FNDC3A: variants seen among roughly 807,000 people sequenced by gnomAD.
FNDC3A encodes fibronectin type III domain containing 3A, also known as fibronectin type-III domain-containing protein 3A.
In FNDC3A, 32 loss-of-function variants were observed where a neutral mutation model predicts 148.9. The observed-to-expected ratio is 0.21, with a 90% CI of 0.16 to 0.29. The LOEUF (loss-of-function observed/expected upper bound fraction) is 0.29, where lower values mean the gene tolerates loss of function less well. Ranked by LOEUF, FNDC3A falls within the 10% of genes least tolerant of loss-of-function variation. FNDC3A has a pLI of 1.00. For missense variants in FNDC3A, 1,191 were observed against 1,452.8 expected (o/e 0.82, Z 2.93); for synonymous variants, 472 against 473.6 (o/e 1.00, Z 0.04).
chr13:49,134,062 A>G (rs1349431835), intron 5 of FNDC3A, among the ~76,000 whole-genome samples: 2 of 152,228 alleles, frequency 1.3e-5, no homozygotes, highest in Admixed American at 1.3e-4. Flanking sequence ...ATTGTGCAAC[A>G]TATGCAACTC....
intron 3 of FNDC3A, among the ~76,000 whole-genome samples, chr13:49,077,142 C>T (rs556578015): frequency 2.0e-5 from 3 of 152,226 alleles, no homozygotes; most frequent in East Asian, 1.9e-4. Flanking sequence ...GGCATAGTGG[C>T]GCACGCCTGC....
chr13:49,162,142 G>T (rs1469071532), intron 8 of FNDC3A, among the ~76,000 whole-genome samples: 1 of 152,112 alleles, frequency 6.6e-6, no homozygotes, highest in Non-Finnish European at 1.5e-5. Flanking sequence ...TCGTAAATTT[G>T]AATGTTGGCC....
chr13:49,039,905 G>A (rs1330708260), intron 2 of FNDC3A, among the ~76,000 whole-genome samples: 1 of 152,150 alleles, frequency 6.6e-6, no homozygotes, highest in Non-Finnish European at 1.5e-5. Flanking sequence ...GTAAAGACTA[G>A]GTTTCATCAT....
chr13:49,027,181 A>G (rs904999917), intron 2 of FNDC3A, among the ~76,000 whole-genome samples: 2 of 152,234 alleles, frequency 1.3e-5, no homozygotes, highest in African/African-American at 2.4e-5. Flanking sequence ...ACTAGACTCA[A>G]TATCTTCTGA....
intron 3 of FNDC3A, among the ~76,000 whole-genome samples, chr13:49,107,346 T>C (rs1165655565): frequency 6.6e-6 from 1 of 152,174 alleles, no homozygotes; most frequent in African/African-American, 2.4e-5. Context: ...AGCTGGATGG[T>C]ATGATGGGGC....
At chr13:48,978,322 A>C (rs887681279) in intron 1 of FNDC3A, among the ~76,000 whole-genome samples, 1 of 152,218 alleles carries the variant, frequency 6.6e-6, no homozygotes, top group Non-Finnish European at 1.5e-5. Flanking sequence ...GAGGGAATGC[A>C]TGATTCATAT....
chr13:48,986,305 A>G lies in FNDC3A; in HGVS notation c.-40+10128A>G, dbSNP rs145795363. On this transcript the variant is annotated intron_variant, in intron 1 of 25. Coordinates refer to ENST00000492622, the MANE Select transcript of FNDC3A (RefSeq NM_001079673.2). Reference sequence around the variant, plus strand: ...TCCTCCCCTTTAATATTAAAACCTAATATTTCAAGACAGTTAATGATAGAG... The same window carrying G: ...TCCTCCCCTTTAATATTAAAACCTAGTATTTCAAGACAGTTAATGATAGAG... 7.9e-3 allele frequency among the ~76,000 whole-genome samples: 1,157 copies of G among 146,668 alleles called. 20 individuals carry two copies. Among genetic ancestry groups the G allele is most frequent in the African/African-American group, 0.028 (1,098 of 39,906 alleles).
chr13:49,002,837 A>G (rs2137591148), intron 1 of FNDC3A, among the ~76,000 whole-genome samples: 1 of 152,328 alleles, frequency 6.6e-6, no homozygotes, highest in East Asian at 1.9e-4. Flanking sequence ...TTTATTTACA[A>G]AGGACATTTA....
At chr13:49,099,592 A>G (rs2137834937) in intron 3 of FNDC3A, among the ~76,000 whole-genome samples, 2 of 152,248 alleles carry the variant, frequency 1.3e-5, no homozygotes, top group Middle Eastern at 3.4e-3. Context: ...TTTATCACTT[A>G]TTGTATTGTG....
chr13:49,115,874 T>C (rs561222415), intron 4 of FNDC3A, among the ~76,000 whole-genome samples: 14 of 152,216 alleles, frequency 9.2e-5, no homozygotes, highest in Non-Finnish European at 1.5e-4. Flanking sequence ...TGGTCCTCTT[T>C]GACCTCTAAA....
At chr13:49,071,729 T>C (rs1418004608) in intron 2 of FNDC3A, among the ~76,000 whole-genome samples, 1 of 151,126 alleles carries the variant, frequency 6.6e-6, no homozygotes. Flanking sequence ...ATTATTTGGT[T>C]TTTTTTTTTT....
chr13:49,185,284 T>G (rs771992425), intron 14 of FNDC3A, among the ~76,000 whole-genome samples: 1 of 152,168 alleles, frequency 6.6e-6, no homozygotes, highest in African/African-American at 2.4e-5. Flanking sequence ...AACAAACTTA[T>G]AGTTTCTGTG....
At chr13:49,016,760 C>T (rs1416699523) in intron 2 of FNDC3A, among the ~76,000 whole-genome samples, 2 of 152,072 alleles carry the variant, frequency 1.3e-5, no homozygotes. Flanking sequence ...TTTCCCTCTA[C>T]ACACTGCTTT....
chr13:49,010,215 A>G (rs1221134045), intron 2 of FNDC3A, among the ~76,000 whole-genome samples: 3 of 152,184 alleles, frequency 2.0e-5, no homozygotes, highest in Non-Finnish European at 4.4e-5. Flanking sequence ...AGTTTTAATA[A>G]TTCTGACCAT....
chr13:49,084,506 G>A (rs772626799), intron 3 of FNDC3A, among the ~76,000 whole-genome samples: 11 of 152,138 alleles, frequency 7.2e-5, no homozygotes, highest in Non-Finnish European at 1.3e-4. Flanking sequence ...ATATGTAAAT[G>A]GTGAGCCACA....
At chr13:49,138,902 G>A (rs770131562) in intron 7 of FNDC3A, 97 bp downstream of exon 7, 229 of 634,180 alleles carry the variant, frequency 3.6e-4, no homozygotes, top group Non-Finnish European at 5.5e-4. Flanking sequence ...AACTTTTTAT[G>A]AAAATAGGAT....
chr13:49,156,129 C>A (rs1436733804), intron 8 of FNDC3A, among the ~76,000 whole-genome samples: 1 of 146,998 alleles, frequency 6.8e-6, no homozygotes, highest in African/African-American at 2.6e-5. Flanking sequence ...GTGTTAAAGT[C>A]TCCCATTATT....
At chr13:49,152,000 C>T (rs947175483) in intron 8 of FNDC3A, among the ~76,000 whole-genome samples, 1 of 152,096 alleles carries the variant, frequency 6.6e-6, no homozygotes, top group African/African-American at 2.4e-5. Flanking sequence ...TGGGTTGATT[C>T]CAAGTCCTTG....
At chr13:49,204,619 A>G (rs1332359826) in intron 25 of FNDC3A, among the ~76,000 whole-genome samples, 3 of 152,240 alleles carry the variant, frequency 2.0e-5, no homozygotes. Flanking sequence ...AGCAAAATTA[A>G]TATTAAAGAA....
Sources: gnomAD v4.1 joint callset for allele counts (sites outside exome capture counted in the v4.1 genomes callset) on GRCh38, gnomAD v4.1.1 for gene constraint, MANE v1.5 for transcripts, NCBI Gene and HGNC (gene_info 2026-07-23, HGNC 2026-07-21) for gene names.